SRP54: variants seen among roughly 807,000 people sequenced by gnomAD.
SRP54 encodes signal recognition particle subunit SRP54.
In SRP54, 10 loss-of-function variants were observed where a neutral mutation model predicts 64.8. That is an observed-to-expected ratio of 0.15 (90% CI 0.10 to 0.26). The LOEUF (loss-of-function observed/expected upper bound fraction) is 0.26. Ranked by LOEUF, SRP54 falls within the 10% of genes least tolerant of loss-of-function variation. The probability of loss-of-function intolerance (pLI) is 1.00; values close to 1 mark genes in which losing one functional copy is unlikely to be tolerated. For missense variants in SRP54, 325 were observed against 613.7 expected (o/e 0.53, Z 4.97); for synonymous variants, 193 against 185.6 (o/e 1.04, Z -0.32).
At chr14:35,025,545 C>A (rs1267688505) in intron 14 of SRP54, among the ~76,000 whole-genome samples, 1 of 152,164 alleles carries the variant, frequency 6.6e-6, no homozygotes, top group African/African-American at 2.4e-5. Context: ...CAGATCTTAT[C>A]TATGCATTGA....
At position 35,023,121 on chromosome 14, in the gene SRP54, G is replaced by C. The variant is rs528652570; in HGVS notation, c.1327+41G>C. The C allele has an allele frequency of 1.3e-5, 20 of 1,499,718 alleles. No homozygotes were observed. In the South Asian group the frequency reaches 2.2e-4, roughly 16 times the overall value. The allele number at this position is 1,499,718 out of a possible 1,614,324, so 92.9% of individuals were successfully genotyped here. On this transcript the variant is annotated intron_variant, in intron 14 of 15. Transcript: ENST00000216774. Reference sequence around the variant, plus strand: ...TTGTTATTAGTTAACAGACGGAAAAGAAAGGAAGTTGAGAAAAAAGAGTGC... The same window carrying C: ...TTGTTATTAGTTAACAGACGGAAAACAAAGGAAGTTGAGAAAAAAGAGTGC...
At chr14:35,016,360 C>T (rs921127394) in intron 11 of SRP54, among the ~76,000 whole-genome samples, 1 of 152,218 alleles carries the variant, frequency 6.6e-6, no homozygotes, top group Non-Finnish European at 1.5e-5. Context: ...CTCACATCTT[C>T]CATGTTGTGT....
At chr14:35,023,198 C>A (rs2044563628) in intron 14 of SRP54, 118 bp downstream of exon 14, 1 of 790,070 alleles carries the variant, frequency 1.3e-6, no homozygotes, top group African/African-American at 1.7e-5. Context: ...TCAAGTACTT[C>A]CAGGATTTAT....
intron 1 of SRP54, among the ~76,000 whole-genome samples, chr14:34,995,188 TAGA>T (rs1456029465): frequency 1.3e-5 from 1 of 79,888 alleles, no homozygotes; most frequent in African/African-American, 4.5e-5. Flanking sequence ...TGTGTGTGTG[TAGA>T]GAGAGAGAGG....
At chr14:35,018,478 G>A (rs1357343861) in intron 11 of SRP54, among the ~76,000 whole-genome samples, 1 of 152,136 alleles carries the variant, frequency 6.6e-6, no homozygotes, top group East Asian at 1.9e-4. Context: ...CAGATAGAAT[G>A]TAAGCTTCTC....
chr14:34,992,976 C>T (rs1337786222), intron 1 of SRP54, among the ~76,000 whole-genome samples: 1 of 152,034 alleles, frequency 6.6e-6, no homozygotes, highest in African/African-American at 2.4e-5. Flanking sequence ...TCTCCTGCCT[C>T]ACACTCCTGA....
At position 34,983,014 on chromosome 14, in the gene SRP54, A is replaced by G. The variant is rs900549435; in HGVS notation, c.-235A>G. 4 of 152,158 alleles carry G rather than the reference A, an allele frequency of 2.6e-5. No homozygotes were observed. Among genetic ancestry groups the G allele is most frequent in the Admixed American group, 2.6e-4 (4 of 15,246 alleles). The allele number at this position is 152,158 out of a possible 1,614,324, so 9.4% of individuals were successfully genotyped here. A position where few individuals can be genotyped will look rare whatever the true frequency, so the allele number is the denominator to read the frequency against. On this transcript the variant is annotated 5_prime_UTR_variant, in exon 1 of 16. Transcript: ENST00000216774. ...CTCATTGGGCGGAAGGTTCGCTGGC[A>G]CTCCGTTGGTCTTCCAGCTGGTGGG...
At chr14:35,002,043 A>C (rs1249696620) in intron 4 of SRP54, among the ~76,000 whole-genome samples, 1 of 151,820 alleles carries the variant, frequency 6.6e-6, no homozygotes, top group African/African-American at 2.4e-5. Flanking sequence ...TCTATAAAAA[A>C]AAAAAAAATT....
chr14:35,022,606 C>T (rs1370189852), intron 13 of SRP54, among the ~76,000 whole-genome samples: 3 of 152,142 alleles, frequency 2.0e-5, no homozygotes, highest in Non-Finnish European at 4.4e-5. Context: ...CTGCCTGCCT[C>T]GGCCTCACAA....
rs61754298 is a variant in SRP54, at chr14:35,014,751, C to T, written c.894C>T (p.Gly298=). The change falls in exon 11 of 16, where the codon GGC becomes GGT. Residue 298 remains glycine, a synonymous_variant. Coordinates refer to ENST00000216774, the MANE Select transcript of SRP54 (RefSeq NM_003136.4). ...CTTTTTTGTATCTTATAGGTATGGG[C>T]GACATTGAAGGACTGATAGATAAAG... ...QPFISKLLGM[G]DIEGLIDKVN... is the part of the protein sequence containing the mutation. The T allele has an allele frequency of 7.3e-3, 11,719 of 1,612,470 alleles. 58 individuals carry two copies. The highest frequency in any genetic ancestry group is 9.1e-3 in the Non-Finnish European group (10,683 of 1,179,172).
At chr14:35,003,428 G>T (rs1172949996) in intron 4 of SRP54, among the ~76,000 whole-genome samples, 4 of 152,054 alleles carry the variant, frequency 2.6e-5, no homozygotes, top group African/African-American at 7.2e-5. Flanking sequence ...AAACTAGAGT[G>T]CAGTGGCGTG....
intron 4 of SRP54, among the ~76,000 whole-genome samples, chr14:35,002,547 C>T (rs1234854854): frequency 2.6e-5 from 4 of 151,874 alleles, no homozygotes; most frequent in Non-Finnish European, 5.9e-5. Context: ...ATTCTCCTGC[C>T]TCAGCCTCCC....
chr14:35,008,599 T>C lies in SRP54; in HGVS notation c.361-28T>C, dbSNP rs757926695. 10 of 1,427,024 alleles carry C rather than the reference T, an allele frequency of 7.0e-6. 1 individual carries two copies. The highest frequency in any genetic ancestry group is 6.0e-5 in the South Asian group (4 of 66,636). The allele number at this position is 1,427,024 out of a possible 1,614,324, so 88.4% of individuals were successfully genotyped here. A position where few individuals can be genotyped will look rare whatever the true frequency, so the allele number is the denominator to read the frequency against. The stretch of plus-strand genomic sequence containing the variant: ...GTATAGTTTGTTATATTTTATGATA[T>C]TATATTTTTAAATCTTTTCTCACCC... On this transcript the variant is annotated intron_variant, in intron 5 of 15. Transcript: ENST00000216774.
Position 35,029,284 on chromosome 14 carries a change from C to T in SRP54, c.*132C>T, listed in dbSNP as rs942859091. 1.1e-5 allele frequency: 6 copies of T among 541,848 alleles called. No individual in the cohort carries two copies. The highest frequency in any genetic ancestry group is 3.3e-5 in the East Asian group (1 of 29,978). 33.6% of individuals were successfully genotyped at this position (541,848 alleles called of 1,614,324 possible). A position where few individuals can be genotyped will look rare whatever the true frequency, so the allele number is the denominator to read the frequency against. On this transcript the variant is annotated 3_prime_UTR_variant, in exon 16 of 16. Coordinates refer to ENST00000216774, the MANE Select transcript of SRP54 (RefSeq NM_003136.4). ...ATCATGCACTCTTTCCTTTTCTTCTCGCCCGCTTTTCCCCTCCTTTTCTTT... is the reference window on the plus strand; with the variant it reads ...ATCATGCACTCTTTCCTTTTCTTCTTGCCCGCTTTTCCCCTCCTTTTCTTT...
chr14:35,028,048 C>T (rs372052930), intron 14 of SRP54, 40 bp from the exon 15 acceptor site: 7 of 1,378,468 alleles, frequency 5.1e-6, no homozygotes, highest in African/African-American at 2.9e-5. Context: ...ATTATATTAC[C>T]TCCTACGCTG....
At chr14:34,990,833 CA>C (rs2138963813) in intron 1 of SRP54, among the ~76,000 whole-genome samples, 1 of 152,234 alleles carries the variant, frequency 6.6e-6, no homozygotes, top group African/African-American at 2.4e-5. Context: ...ATGTACAGTA[CA>C]AATTACCCAA....
chr14:34,988,578 A>AAAAAATATATAT (rs1384552218), intron 1 of SRP54, among the ~76,000 whole-genome samples: 19 of 47,094 alleles, frequency 4.0e-4, no homozygotes, highest in Non-Finnish European at 7.2e-4. Context: ...AAAAAAAAAA[A>AAAAAATATATAT]ATATATATAT....
chr14:34,989,722 T>G (rs1044764589), intron 1 of SRP54, among the ~76,000 whole-genome samples: 2 of 152,136 alleles, frequency 1.3e-5, no homozygotes, highest in Admixed American at 1.3e-4. Flanking sequence ...TCTGTAAGAT[T>G]GTTCAGAAAA....
chr14:34,996,863 C>T lies in SRP54; in HGVS notation c.78+76C>T. ...TTGGGAAGATGGCTTATTCATAATC[C>T]CTGTATTTATATGTATTTTGATGTA... On this transcript the variant is annotated intron_variant, in intron 2 of 15. Coordinates refer to ENST00000216774, the MANE Select transcript of SRP54 (RefSeq NM_003136.4). 3 of 1,065,142 alleles carry T rather than the reference C, an allele frequency of 2.8e-6. No individual in the cohort carries two copies. In the Admixed American group the frequency reaches 5.2e-5, roughly 18 times the overall value. The allele number at this position is 1,065,142 out of a possible 1,614,324, so 66.0% of individuals were successfully genotyped here.
Sources: gnomAD v4.1 joint callset for allele counts (sites outside exome capture counted in the v4.1 genomes callset) on GRCh38, gnomAD v4.1.1 for gene constraint, MANE v1.5 for transcripts, NCBI Gene and HGNC (gene_info 2026-07-23, HGNC 2026-07-21) for gene names.